Variants in TLR4 observed in about 807,000 individuals in gnomAD.
TLR4 encodes toll-like receptor 4.
In TLR4, 17 loss-of-function variants were observed where a neutral mutation model predicts 27.4. That is an observed-to-expected ratio of 0.62 (90% CI 0.42 to 0.93). The LOEUF (loss-of-function observed/expected upper bound fraction) is 0.93. Ranked by LOEUF, TLR4 falls within the 40% of genes least tolerant of loss-of-function variation. TLR4 has a pLI of 0.00. For missense variants in TLR4, 926 were observed against 962.3 expected (o/e 0.96, Z 0.50); for synonymous variants, 363 against 365.7 (o/e 0.99, Z 0.08).
intron 2 of TLR4, among the ~76,000 whole-genome samples, chr9:117,709,825 G>C (rs992272747): frequency 6.6e-6 from 1 of 152,036 alleles, no homozygotes; most frequent in South Asian, 2.1e-4. Context: ...CAGTGGTATA[G>C]TGCATAGAGT....
rs1829457327 is a variant in TLR4, at chr9:117,724,568, A to G, written c.*9920A>G. On this transcript the variant is annotated 3_prime_UTR_variant, in exon 3 of 3. Transcript: ENST00000355622. ...AATGTGCCTGTCTTTCTTCTCATGT[A>G]TTAGAGAGAACAAAAGCTTTGGGAA... 6.6e-6 allele frequency: 1 copy of G among 152,010 alleles called. No homozygotes were observed. The highest frequency in any genetic ancestry group is 1.5e-5 in the Non-Finnish European group (1 of 68,016). The allele number at this position is 152,010 out of a possible 1,614,324, so 9.4% of individuals were successfully genotyped here. A position where few individuals can be genotyped will look rare whatever the true frequency, so the allele number is the denominator to read the frequency against.
Position 117,716,538 on chromosome 9 carries a change from C to G in TLR4, c.*1890C>G, listed in dbSNP as rs1448334206. 2 of 151,998 alleles carry G rather than the reference C, an allele frequency of 1.3e-5. No homozygotes were observed. The highest frequency in any genetic ancestry group is 2.9e-5 in the Non-Finnish European group (2 of 67,988). 9.4% of individuals were successfully genotyped at this position (151,998 alleles called of 1,614,324 possible). A position where few individuals can be genotyped will look rare whatever the true frequency, so the allele number is the denominator to read the frequency against. On this transcript the variant is annotated 3_prime_UTR_variant, in exon 3 of 3. Coordinates refer to ENST00000355622, the MANE Select transcript of TLR4 (RefSeq NM_138554.5). ...AAACTCATAGAAGCAGAGAATAGAA[C>G]AGTGGTTCCTAGGGAAAAGGAGGAA...
rs868550156 is a variant in TLR4, at chr9:117,713,770, G to T, written c.1642G>T (p.Val548Phe). 1.9e-6 allele frequency: 3 copies of T among 1,613,886 alleles called. No individual in the cohort carries two copies. In the Middle Eastern group the frequency reaches 4.9e-4, roughly 266 times the overall value. ...TTATAAGTGTCTGAACTCCCTCCAG[G>T]TTCTTGATTACAGTCTCAATCACAT... ...FPYKCLNSLQ[V>F]LDYSLNHIMT... Residue 548 changes from valine to phenylalanine, a missense_variant, in exon 3 of 3, where the codon GTT (valine) becomes TTT (phenylalanine). Val to Phe is a conservative substitution (Grantham distance 50). Transcript: ENST00000355622.
In TLR4 at chr9:117,708,718, G is replaced by A. The variant is rs1477470093; in HGVS notation, c.249G>A (p.Leu83=). Residue 83 remains leucine (L), a synonymous_variant, in exon 2 of 3, where the codon CTG becomes CTA. Coordinates refer to ENST00000355622, the MANE Select transcript of TLR4 (RefSeq NM_138554.5). The part of the protein sequence containing the change: ...SFFSFPELQV[L]DLSRCEIQTI... ...TCAGTTTCCCAGAACTGCAGGTGCT[G>A]GATTTATCCAGGTAATGAATCCACT... 1 of 1,613,764 alleles carries A rather than the reference G, an allele frequency of 6.2e-7. No individual in the cohort carries two copies. Among genetic ancestry groups the A allele is most frequent in the South Asian group, 1.1e-5 (1 of 91,064 alleles).
At position 117,720,185 on chromosome 9, in the gene TLR4, A is replaced by C. The variant is rs1477535907; in HGVS notation, c.*5537A>C. ...AACAGATGAAAGGACTGAATTGTTC[A>C]ATAGGAAGGAGCAGAATCAGGATAT... On this transcript the variant is annotated 3_prime_UTR_variant, in exon 3 of 3. Coordinates refer to ENST00000355622, the MANE Select transcript of TLR4 (RefSeq NM_138554.5). 6.6e-6 allele frequency: 1 copy of C among 152,180 alleles called. No individual in the cohort carries two copies. The allele number at this position is 152,180 out of a possible 1,614,324, so 9.4% of individuals were successfully genotyped here.
Position 117,714,065 on chromosome 9 carries a change from T to C in TLR4, c.1937T>C (p.Val646Ala), listed in dbSNP as rs1417668286. ...GTCCTCAGTGTGCTTGTAGTATCTG[T>C]TGTAGCAGTTCTGGTCTATAAGTTC... ...VSVLSVLVVS[V>A]VAVLVYKFYF... Residue 646 changes from valine to alanine, a missense_variant, in exon 3 of 3, where the codon GTT becomes GCT. Val to Ala is a moderately conservative substitution (Grantham distance 64). Transcript: ENST00000355622. 6.8e-6 allele frequency: 11 copies of C among 1,613,880 alleles called. No individual in the cohort carries two copies. The East Asian group carries it at 2.2e-4, about 33-fold the overall frequency.
intron 2 of TLR4, among the ~76,000 whole-genome samples, chr9:117,710,025 ATATAT>A (rs1309373834): frequency 6.6e-6 from 1 of 152,212 alleles, no homozygotes; most frequent in Admixed American, 6.5e-5. Flanking sequence ...TTTTTATAAA[ATATAT>A]TTTATAAGCA....
rs1227915627 is a variant in TLR4 at position 117,718,924 on chromosome 9, G to T, written c.*4276G>T. ...TCATTCTCTACTCACGGGATTGTCA[G>T]ACCCCAGTCTTCTTCTGGACTCTAT... is the stretch of plus-strand genomic sequence containing the variant. On this transcript the variant is annotated 3_prime_UTR_variant, in exon 3 of 3. Coordinates refer to ENST00000355622, the MANE Select transcript of TLR4 (RefSeq NM_138554.5). The T allele has an allele frequency of 2.6e-5, 4 of 152,214 alleles. No homozygotes were observed. Among genetic ancestry groups the T allele is most frequent in the African/African-American group, 9.6e-5 (4 of 41,466 alleles). The allele number at this position is 152,214 out of a possible 1,614,324, so 9.4% of individuals were successfully genotyped here.
intron 2 of TLR4, among the ~76,000 whole-genome samples, chr9:117,712,181 T>A (rs1253508894): frequency 6.6e-6 from 1 of 152,146 alleles, no homozygotes; most frequent in Non-Finnish European, 1.5e-5. Flanking sequence ...AAAGAGCCTA[T>A]CATTGCAGCC....
In TLR4 at chr9:117,714,841, TA is replaced by T; in HGVS notation, c.*194del. On this transcript the variant is annotated 3_prime_UTR_variant, in exon 3 of 3. Coordinates refer to ENST00000355622, the MANE Select transcript of TLR4 (RefSeq NM_138554.5). ...AGAGGGAATAAATGCTAGACTAAAA[TA>T]CAGAGTCTTCCAGGTGGGCATTTCA... 1.6e-6 allele frequency: 1 copy of T among 618,356 alleles called. No homozygotes were observed. Among genetic ancestry groups the T allele is most frequent in the Non-Finnish European group, 2.9e-6 (1 of 350,044 alleles). 38.3% of individuals were successfully genotyped at this position (618,356 alleles called of 1,614,324 possible). A position where few individuals can be genotyped will look rare whatever the true frequency, so the allele number is the denominator to read the frequency against.
rs370151827 is a variant in TLR4 at position 117,722,716 on chromosome 9, C to T, written c.*8068C>T. On this transcript the variant is annotated 3_prime_UTR_variant, in exon 3 of 3. Coordinates refer to ENST00000355622, the MANE Select transcript of TLR4 (RefSeq NM_138554.5). ...GGATTCAGGTCTGCCACCGGGAGCG[C>T]ACCTCTGGGCTCAGGTCTCTCATTT... 1 of 152,136 alleles carries T rather than the reference C, an allele frequency of 6.6e-6. No individual in the cohort carries two copies. The highest frequency in any genetic ancestry group is 2.4e-5 in the African/African-American group (1 of 41,422). 9.4% of individuals were successfully genotyped at this position (152,136 alleles called of 1,614,324 possible). A position where few individuals can be genotyped will look rare whatever the true frequency, so the allele number is the denominator to read the frequency against.
In TLR4 at chr9:117,722,837, C is replaced by CTTTAGTGGTTATATGTTTA. The variant is rs1829437124; in HGVS notation, c.*8193_*8211dup. 6.6e-6 allele frequency: 1 copy of CTTTAGTGGTTATATGTTTA among 151,998 alleles called. No individual in the cohort carries two copies. Among genetic ancestry groups the CTTTAGTGGTTATATGTTTA allele is most frequent in the African/African-American group, 2.4e-5 (1 of 41,390 alleles). 9.4% of individuals were successfully genotyped at this position (151,998 alleles called of 1,614,324 possible). A position where few individuals can be genotyped will look rare whatever the true frequency, so the allele number is the denominator to read the frequency against. On this transcript the variant is annotated 3_prime_UTR_variant, in exon 3 of 3. Coordinates refer to ENST00000355622, the MANE Select transcript of TLR4 (RefSeq NM_138554.5). ...TGTGGTTGACAGATGAATGTATTAC[C>CTTTAGTGGTTATATGTTTA]TTTAGTGGTTATATGTTTATTTTCA...
Position 117,714,247 on chromosome 9 carries a change from C to T in TLR4, c.2119C>T (p.Leu707Phe). ...AGGGGTGCCTCCATTTCAGCTCTGC[C>T]TTCACTACAGAGACTTTATTCCCGG... ...EEGVPPFQLC[L>F]HYRDFIPGVA... The change falls in exon 3 of 3, where the codon CTT becomes TTT. Residue 707 changes from leucine (L) to phenylalanine (F), a missense_variant. Physicochemically the swap from Leu to Phe is conservative, Grantham distance 22. Coordinates refer to ENST00000355622, the MANE Select transcript of TLR4 (RefSeq NM_138554.5). 1 of 1,603,252 alleles carries T rather than the reference C, an allele frequency of 6.2e-7. No homozygotes were observed. Among genetic ancestry groups the T allele is most frequent in the Non-Finnish European group, 8.5e-7 (1 of 1,171,516 alleles).
chr9:117,705,655 A>G (rs1829124212), intron 1 of TLR4, among the ~76,000 whole-genome samples: 1 of 151,938 alleles, frequency 6.6e-6, no homozygotes, highest in Non-Finnish European at 1.5e-5. Flanking sequence ...GCAGGCCCTC[A>G]TTTCCCCTGG....
At position 117,714,187 on chromosome 9, in the gene TLR4, T is replaced by C. The variant is rs779420060; in HGVS notation, c.2059T>C (p.Trp687Arg). The C allele has an allele frequency of 1.2e-6, 2 of 1,613,302 alleles. No individual in the cohort carries two copies. The highest frequency in any genetic ancestry group is 1.7e-6 in the Non-Finnish European group (2 of 1,179,320). The change falls in exon 3 of 3, where the codon TGG becomes CGG. Residue 687 changes from tryptophan to arginine, a missense_variant. Trp to Arg is a moderately radical substitution (Grantham distance 101). Coordinates refer to ENST00000355622, the MANE Select transcript of TLR4 (RefSeq NM_138554.5). ...TATCTACTCAAGCCAGGATGAGGAC[T>C]GGGTAAGGAATGAGCTAGTAAAGAA... ...FVIYSSQDEDWVRNELVKNLE... is the reference protein window; with the variant it reads ...FVIYSSQDEDRVRNELVKNLE...
Position 117,715,383 on chromosome 9 carries a change from AG to A in TLR4, c.*737del, listed in dbSNP as rs1414469938. Reference sequence around the variant, plus strand: ...TATCCATATTAACCACTATTTTTCAAGGAAGTATGGAAAAGTACACTCTGTC... The same window carrying A: ...TATCCATATTAACCACTATTTTTCAAGAAGTATGGAAAAGTACACTCTGTC... On this transcript the variant is annotated 3_prime_UTR_variant, in exon 3 of 3. Transcript: ENST00000355622. 2.0e-5 allele frequency: 3 copies of A among 152,212 alleles called. No individual in the cohort carries two copies. Among genetic ancestry groups the A allele is most frequent in the African/African-American group, 4.8e-5 (2 of 41,452 alleles). The allele number at this position is 152,212 out of a possible 1,614,324, so 9.4% of individuals were successfully genotyped here. A position where few individuals can be genotyped will look rare whatever the true frequency, so the allele number is the denominator to read the frequency against.
intron 1 of TLR4, 106 bp downstream of exon 1, chr9:117,704,671 A>C: frequency 1.0e-6 from 1 of 961,524 alleles, no homozygotes; most frequent in Non-Finnish European, 1.6e-6. Context: ...AAAGAGTTAA[A>C]TTACCTTAAA....
In TLR4 at chr9:117,713,345, T is replaced by C; in HGVS notation, c.1217T>C (p.Leu406Pro). The C allele has an allele frequency of 6.2e-7, 1 of 1,614,012 alleles. No individual in the cohort carries two copies. Among genetic ancestry groups the C allele is most frequent in the Non-Finnish European group, 8.5e-7 (1 of 1,179,944 alleles). Residue 406 changes from leucine to proline, a missense_variant, in exon 3 of 3, where the codon CTG becomes CCG. Coordinates refer to ENST00000355622, the MANE Select transcript of TLR4 (RefSeq NM_138554.5). ...ACAACCAGCCTAAAGTATTTAGATC[T>C]GAGCTTCAATGGTGTTATTACCATG... The part of the protein sequence containing the change: ...FGTTSLKYLD[L>P]SFNGVITMSS...
At position 117,712,955 on chromosome 9, in the gene TLR4, CT is replaced by C; in HGVS notation, c.828del (p.Leu277Ter). The C allele has an allele frequency of 6.2e-7, 1 of 1,614,090 alleles. No homozygotes were observed. Among genetic ancestry groups the C allele is most frequent in the Non-Finnish European group, 8.5e-7 (1 of 1,179,998 alleles). ...EGNLEKFDKS[A>X]LEGLCNLTIE... ...AACTTGGAAAAGTTTGACAAATCTG[CT>C]CTAGAGGGCCTGTGCAATTTGACCA... On this transcript the variant is annotated frameshift_variant, in exon 3 of 3. Coordinates refer to ENST00000355622, the MANE Select transcript of TLR4 (RefSeq NM_138554.5). LOFTEE classifies it low-confidence loss of function (END_TRUNC).
Sources: allele counts gnomAD v4.1 joint callset (sites outside exome capture counted in the v4.1 genomes callset), GRCh38; gene constraint gnomAD v4.1.1; transcripts MANE v1.5; gene names NCBI Gene and HGNC (gene_info 2026-07-23, HGNC 2026-07-21).